KATNAL1: variants seen among roughly 807,000 people sequenced by gnomAD.
The protein encoded by KATNAL1 is katanin catalytic subunit A1 like 1.
KATNAL1 carries 32 observed loss-of-function variants against 55.2 expected under a neutral mutation model. The ratio of observed to expected loss-of-function variants is 0.58; its 90% confidence interval spans 0.44 to 0.78. The LOEUF (loss-of-function observed/expected upper bound fraction) is 0.78. Ranked by LOEUF, KATNAL1 falls within the 30% of genes least tolerant of loss-of-function variation. The probability of loss-of-function intolerance (pLI) is 0.00; values close to 1 mark genes in which losing one functional copy is unlikely to be tolerated. For missense variants in KATNAL1, 466 were observed against 600.9 expected, an observed-to-expected ratio of 0.78 and a Z score of 2.35; for synonymous variants, 193 against 193.6, an observed-to-expected ratio of 1.00 and a Z score of 0.02.
At chr13:30,300,829 G>A (rs929957744) in intron 1 of KATNAL1, among the ~76,000 whole-genome samples, 5 of 152,016 alleles carry the variant, frequency 3.3e-5, no homozygotes, top group Non-Finnish European at 5.9e-5. Context: ...TAGTAATTAA[G>A]GCTTTTCATT....
chr13:30,255,620 CAA>C lies in KATNAL1; in HGVS notation c.324-7_324-6del, dbSNP rs11348486. 0.15 allele frequency: 151,039 copies of C among 1,003,478 alleles called. 26 individuals are homozygous for C. The highest frequency in any genetic ancestry group is 0.2 in the East Asian group (5,117 of 25,726). The allele number at this position is 1,003,478 out of a possible 1,614,324, so 62.2% of individuals were successfully genotyped here. A position where few individuals can be genotyped will look rare whatever the true frequency, so the allele number is the denominator to read the frequency against. ...CGCCTGATCTGAGGTGGAGCTCTGA[CAA>C]AAAAAAAAAAAAAAAAATTAAAATT... On this transcript the variant is annotated splice_polypyrimidine_tract_variant and splice_region_variant and intron_variant, in intron 3 of 10. Transcript: ENST00000380615.
chr13:30,297,784 A>G (rs1015472110), intron 1 of KATNAL1, among the ~76,000 whole-genome samples: 5 of 152,228 alleles, frequency 3.3e-5, no homozygotes. Context: ...CAAGTACTAC[A>G]TATTCTTACA....
intron 2 of KATNAL1, among the ~76,000 whole-genome samples, chr13:30,282,061 A>G (rs1466702754): frequency 7.9e-5 from 12 of 152,152 alleles, no homozygotes; most frequent in African/African-American, 2.7e-4. Context: ...CTTTTTTAAA[A>G]GTTACAATTA....
At chr13:30,281,668 T>C (rs529688840) in intron 2 of KATNAL1, 35 of 152,298 alleles carry the variant, frequency 2.3e-4, no homozygotes, top group African/African-American at 6.5e-4. Context: ...AAGAAACACT[T>C]GAAAGGCATT....
At chr13:30,249,703 G>T (rs1485725080) in intron 4 of KATNAL1, among the ~76,000 whole-genome samples, 1 of 152,160 alleles carries the variant, frequency 6.6e-6, no homozygotes, top group Admixed American at 6.5e-5. Flanking sequence ...CAGAACAGTG[G>T]TTACCTTTGG....
At chr13:30,277,758 C>A (rs955341134) in intron 3 of KATNAL1, among the ~76,000 whole-genome samples, 1 of 151,632 alleles carries the variant, frequency 6.6e-6, no homozygotes, top group Admixed American at 6.6e-5. Context: ...CCGAGGCGGG[C>A]GGATCACGAG....
At chr13:30,285,025 G>C (rs912772428) in intron 1 of KATNAL1, among the ~76,000 whole-genome samples, 1 of 152,122 alleles carries the variant, frequency 6.6e-6, no homozygotes, top group Non-Finnish European at 1.5e-5. Flanking sequence ...CTTCTTCAGG[G>C]AATTAAACTT....
chr13:30,264,587 G>C (rs1879589197), intron 3 of KATNAL1, among the ~76,000 whole-genome samples: 1 of 150,924 alleles, frequency 6.6e-6, no homozygotes. Context: ...CTTCTCAAAA[G>C]AAGACATTTA....
chr13:30,259,867 C>T (rs1879124688), intron 3 of KATNAL1, among the ~76,000 whole-genome samples: 1 of 152,212 alleles, frequency 6.6e-6, no homozygotes, highest in South Asian at 2.1e-4. Context: ...GGGTGGAGCC[C>T]ACCACAACTC....
intron 8 of KATNAL1, among the ~76,000 whole-genome samples, chr13:30,229,701 C>G (rs1052796924): frequency 2.6e-5 from 4 of 151,862 alleles, no homozygotes; most frequent in Non-Finnish European, 1.5e-5. Context: ...CTGGACAACA[C>G]AGCAAGACTC....
At chr13:30,246,193 G>C (rs953223269) in intron 4 of KATNAL1, among the ~76,000 whole-genome samples, 2 of 152,110 alleles carry the variant, frequency 1.3e-5, no homozygotes, top group African/African-American at 4.8e-5. Context: ...TACCAAAACA[G>C]ATATATAGAC....
At chr13:30,260,651 G>A (rs558567554) in intron 3 of KATNAL1, among the ~76,000 whole-genome samples, 7 of 152,192 alleles carry the variant, frequency 4.6e-5, no homozygotes, top group South Asian at 2.1e-4. Flanking sequence ...GAAATGAAGC[G>A]AGAAGGGAAA....
intron 3 of KATNAL1, among the ~76,000 whole-genome samples, chr13:30,266,169 ATTTCTGTATTTTTGTGGAGACAGGG>A (rs1462063316): frequency 6.6e-6 from 1 of 151,904 alleles, no homozygotes; most frequent in Non-Finnish European, 1.5e-5. Flanking sequence ...TGCCCAGCTA[ATTTCTGTATTTTTGTGGAGACAGGG>A]TTTCACCATG....
At chr13:30,215,338 T>C (rs1203945967) in intron 9 of KATNAL1, among the ~76,000 whole-genome samples, 2 of 152,188 alleles carry the variant, frequency 1.3e-5, no homozygotes, top group African/African-American at 2.4e-5. Flanking sequence ...GACCGTAAAC[T>C]AGTTCAACCA....
intron 4 of KATNAL1, among the ~76,000 whole-genome samples, chr13:30,252,431 A>T (rs1343288077): frequency 6.6e-6 from 1 of 152,062 alleles, no homozygotes; most frequent in Non-Finnish European, 1.5e-5. Flanking sequence ...CTTATCCTCA[A>T]TTTTTTTTAC....
intron 3 of KATNAL1, among the ~76,000 whole-genome samples, chr13:30,272,429 C>A (rs184115234): frequency 3.9e-5 from 6 of 152,026 alleles, no homozygotes; most frequent in Admixed American, 6.6e-5. Flanking sequence ...AAAAAAGGGG[C>A]AGTGAAGGGC....
intron 1 of KATNAL1, among the ~76,000 whole-genome samples, chr13:30,287,674 G>T (rs971493604): frequency 6.6e-6 from 1 of 152,022 alleles, no homozygotes; most frequent in African/African-American, 2.4e-5. Context: ...AAACAATATG[G>T]CCTTATTATA....
intron 1 of KATNAL1, among the ~76,000 whole-genome samples, chr13:30,293,657 GA>G (rs1376897985): frequency 6.6e-6 from 1 of 152,088 alleles, no homozygotes; most frequent in African/African-American, 2.4e-5. Flanking sequence ...CATCACCCCA[GA>G]AAACTCCCTT....
At position 30,230,450 on chromosome 13, in the gene KATNAL1, T is replaced by C; in HGVS notation, c.1012+18A>G. 1 of 1,600,982 alleles carries C rather than the reference T, an allele frequency of 6.2e-7. No individual in the cohort carries two copies. The highest frequency in any genetic ancestry group is 1.3e-5 in the African/African-American group (1 of 74,640). On this transcript the variant is annotated intron_variant, in intron 8 of 10. Coordinates refer to ENST00000380615, the MANE Select transcript of KATNAL1 (RefSeq NM_032116.5). ...TTTAAAAATGAGAGTTTTGAAACAA[T>C]AATTAAATATCAATTACCATCCATC...
Sources: allele counts gnomAD v4.1 joint callset (sites outside exome capture counted in the v4.1 genomes callset), GRCh38; gene constraint gnomAD v4.1.1; transcripts MANE v1.5; gene names NCBI Gene and HGNC (gene_info 2026-07-23, HGNC 2026-07-21).